Variants in ACTR3C observed in about 807,000 individuals in gnomAD.
The protein encoded by ACTR3C is actin-related protein 3C.
Under a neutral mutation model 26.3 loss-of-function variants are expected in ACTR3C, and 18 were observed. The ratio of observed to expected loss-of-function variants is 0.68; its 90% confidence interval spans 0.47 to 1.01. The LOEUF (loss-of-function observed/expected upper bound fraction) is 1.01. Ranked by LOEUF, ACTR3C falls within the 50% of genes least tolerant of loss-of-function variation. The pLI is 0.00. For missense variants in ACTR3C, 184 were observed against 250.7 expected (o/e 0.73, Z 1.80); for synonymous variants, 55 against 94.5 (o/e 0.58, Z 2.42).
intron 1 of ACTR3C, among the ~76,000 whole-genome samples, chr7:150,315,964 G>A (rs1387131716): frequency 3.3e-5 from 5 of 152,160 alleles, no homozygotes; most frequent in African/African-American, 1.2e-4. Flanking sequence ...TCGGGAGGCC[G>A]AGGCGGGTGG....
chr7:150,288,274 AG>A (rs1476399314), intron 4 of ACTR3C, among the ~76,000 whole-genome samples: 1 of 150,134 alleles, frequency 6.7e-6, no homozygotes, highest in East Asian at 1.9e-4. Context: ...CCGTGAGGAG[AG>A]TTGAAGGCCC....
At chr7:150,236,890 C>A in the ACTR3C span, among the ~76,000 whole-genome samples, 1 of 150,360 alleles carries the variant, frequency 6.7e-6, no homozygotes, top group African/African-American at 2.5e-5. Context: ...ATATTCTTTC[C>A]TAATTATTTA....
At chr7:150,048,661 G>C in the ACTR3C span, among the ~76,000 whole-genome samples, 4 of 151,220 alleles carry the variant, frequency 2.6e-5, no homozygotes, top group African/African-American at 4.9e-5. Flanking sequence ...CCACGCACGC[G>C]CTGCGGCGCC....
chr7:150,265,784 G>T (rs574364003), intron 6 of ACTR3C, among the ~76,000 whole-genome samples: 1 of 152,158 alleles, frequency 6.6e-6, no homozygotes, highest in South Asian at 2.1e-4. Context: ...AACATTTCTG[G>T]TAGAGTGTTT....
chr7:150,019,272 G>C, the ACTR3C span, among the ~76,000 whole-genome samples: 1 of 150,272 alleles, frequency 6.7e-6, no homozygotes, highest in South Asian at 2.1e-4. Context: ...AGGGTTTTGT[G>C]AAAGAATTAA....
At chr7:150,298,004 A>G in intron 1 of ACTR3C, among the ~76,000 whole-genome samples, 1 of 151,586 alleles carries the variant, frequency 6.6e-6, no homozygotes, top group Non-Finnish European at 1.5e-5. Context: ...TTACAGTGAA[A>G]TCAAAAGATA....
At chr7:149,942,942 T>A in the ACTR3C span, among the ~76,000 whole-genome samples, 1 of 151,722 alleles carries the variant, frequency 6.6e-6, no homozygotes, top group Non-Finnish European at 1.5e-5. Flanking sequence ...GACGAACAAA[T>A]CATCAGCTGC....
chr7:149,962,568 A>C, the ACTR3C span, among the ~76,000 whole-genome samples: 1 of 152,030 alleles, frequency 6.6e-6, no homozygotes, highest in Non-Finnish European at 1.5e-5. Flanking sequence ...GCTGTACCAC[A>C]GGCTGATGCT....
the ACTR3C span, among the ~76,000 whole-genome samples, chr7:150,229,158 A>G: frequency 9.1e-4 from 139 of 151,994 alleles, no homozygotes; most frequent in African/African-American, 3.3e-3. Flanking sequence ...TCTTCCTTCC[A>G]ATCTGTTATA....
the ACTR3C span, among the ~76,000 whole-genome samples, chr7:150,134,557 G>A: frequency 1.3e-5 from 2 of 152,230 alleles, no homozygotes; most frequent in African/African-American, 4.8e-5. Flanking sequence ...GACTTAGTCA[G>A]ATATAGTTCA....
chr7:150,031,823 C>G, the ACTR3C span, among the ~76,000 whole-genome samples: 1 of 152,176 alleles, frequency 6.6e-6, no homozygotes, highest in Non-Finnish European at 1.5e-5. Flanking sequence ...GCAAAGAGGA[C>G]AGAGCTCCAC....
At chr7:150,162,008 C>T in the ACTR3C span, among the ~76,000 whole-genome samples, 2 of 152,226 alleles carry the variant, frequency 1.3e-5, no homozygotes, top group East Asian at 1.9e-4. Flanking sequence ...GTAATAAAGA[C>T]GATTGCTTCC....
the ACTR3C span, among the ~76,000 whole-genome samples, chr7:149,897,204 G>C: frequency 0.03 from 4,500 of 152,184 alleles, 219 homozygotes; most frequent in African/African-American, 0.1. Flanking sequence ...GATTAATACT[G>C]GTTAACCATG....
chr7:150,259,339 G>GAAA (rs1172432410), intron 6 of ACTR3C, among the ~76,000 whole-genome samples: 2 of 151,882 alleles, frequency 1.3e-5, no homozygotes, highest in Non-Finnish European at 2.9e-5. Context: ...AAGAAAGAAA[G>GAAA]AAAGACAGAG....
At chr7:150,316,938 T>C (rs1796989338) in intron 1 of ACTR3C, among the ~76,000 whole-genome samples, 1 of 152,352 alleles carries the variant, frequency 6.6e-6, no homozygotes, top group Non-Finnish European at 1.5e-5. Context: ...TTCTTTTTGT[T>C]GTCTTTAGTG....
chr7:150,020,225 T>C, the ACTR3C span, among the ~76,000 whole-genome samples: 1 of 152,148 alleles, frequency 6.6e-6, no homozygotes, highest in Non-Finnish European at 1.5e-5. Context: ...ATCAAAAGCA[T>C]TGTTTTAAAA....
chr7:150,291,723 CG>C (rs1025364731), intron 3 of ACTR3C, among the ~76,000 whole-genome samples: 2 of 151,742 alleles, frequency 1.3e-5, no homozygotes, highest in Non-Finnish European at 2.9e-5. Flanking sequence ...CAGGGGCCTA[CG>C]GGGGCCTCAT....
At chr7:150,019,404 C>A in the ACTR3C span, among the ~76,000 whole-genome samples, 1 of 149,124 alleles carries the variant, frequency 6.7e-6, no homozygotes, top group African/African-American at 2.5e-5. Flanking sequence ...CCATCCTGGC[C>A]AACAAGGTGA....
At chr7:150,143,296 C>G in the ACTR3C span, among the ~76,000 whole-genome samples, 1 of 151,956 alleles carries the variant, frequency 6.6e-6, no homozygotes. Flanking sequence ...AGTTAGCTGG[C>G]CTATAAATAT....
Sources: gnomAD v4.1 joint callset for allele counts (sites outside exome capture counted in the v4.1 genomes callset) on GRCh38, gnomAD v4.1.1 for gene constraint, MANE v1.5 for transcripts, NCBI Gene and HGNC (gene_info 2026-07-23, HGNC 2026-07-21) for gene names.